The following ADCY2 variants were observed in gnomAD, a reference collection of about 807,000 sequenced individuals.
The protein encoded by ADCY2 is adenylate cyclase 2, also known as adenylate cyclase type 2.
A neutral mutation model predicts 125.2 loss-of-function variants in ADCY2; 31 were observed. The observed-to-expected ratio is 0.25, with a 90% CI of 0.19 to 0.33. The LOEUF is 0.33. ADCY2 is among the 10% of genes least tolerant of loss of function. The pLI is 1.00. For synonymous variants in ADCY2, 512 were observed against 548.4 expected, an observed-to-expected ratio of 0.93 and a Z score of 0.93; for missense variants, 904 against 1,418.2, an observed-to-expected ratio of 0.64 and a Z score of 5.82.
chr5:7,781,983 A>G (rs1411879389), intron 18 of ADCY2, among the ~76,000 whole-genome samples: 1 of 152,230 alleles, frequency 6.6e-6, no homozygotes, highest in African/African-American at 2.4e-5. Context: ...TCTTTTGCTA[A>G]CAGAATGAAA....
At chr5:7,636,555 A>G (rs1269698608) in intron 4 of ADCY2, among the ~76,000 whole-genome samples, 1 of 152,210 alleles carries the variant, frequency 6.6e-6, no homozygotes, top group Non-Finnish European at 1.5e-5. Context: ...GAGAAACTGC[A>G]AGGAGGTAGG....
rs1412492746 is a variant in ADCY2 at position 7,706,867 on chromosome 5, C to T, written c.1233C>T (p.Thr411=). Residue 411 remains threonine (T), a synonymous_variant, in exon 8 of 25, where the codon ACC becomes ACT. Transcript: ENST00000338316. Reference sequence around the variant, plus strand: ...ATGATGTGTGGTCACATGATGTGACCTTGGCCAACCACATGGAAGCTGGAG... The same window carrying T: ...ATGATGTGTGGTCACATGATGTGACTTTGGCCAACCACATGGAAGCTGGAG... The part of the protein sequence containing the change: ...WQYDVWSHDV[T]LANHMEAGGV... 4.3e-6 allele frequency: 7 copies of T among 1,614,074 alleles called. No individual in the cohort carries two copies. Among genetic ancestry groups the T allele is most frequent in the Non-Finnish European group, 5.9e-6 (7 of 1,180,040 alleles).
At chr5:7,732,469 C>G (rs950002811) in intron 14 of ADCY2, among the ~76,000 whole-genome samples, 1 of 152,230 alleles carries the variant, frequency 6.6e-6, no homozygotes, top group African/African-American at 2.4e-5. Flanking sequence ...CCTGGTTTCT[C>G]CTGGGCCGTT....
chr5:7,660,249 AAG>A (rs1373847198), intron 4 of ADCY2, among the ~76,000 whole-genome samples: 40 of 88,050 alleles, frequency 4.5e-4, no homozygotes, highest in Admixed American at 8.9e-4. Flanking sequence ...AGAAGGAAGG[AAG>A]GAAGGAAGGA....
At chr5:7,450,410 G>C (rs1289218220) in intron 2 of ADCY2, among the ~76,000 whole-genome samples, 1 of 152,158 alleles carries the variant, frequency 6.6e-6, no homozygotes, top group Non-Finnish European at 1.5e-5. Context: ...TCCAGAGAAA[G>C]GCCCTAACTC....
intron 14 of ADCY2, among the ~76,000 whole-genome samples, chr5:7,739,973 C>T (rs570858784): frequency 6.6e-6 from 1 of 151,876 alleles, no homozygotes; most frequent in African/African-American, 2.4e-5. Context: ...TTCTACCCAA[C>T]ATTTTAAGAA....
rs777069285 is a variant in ADCY2 at position 7,802,214 on chromosome 5, G to A, written c.2629-4G>A. 1 of 1,613,106 alleles carries A rather than the reference G, an allele frequency of 6.2e-7. No individual in the cohort carries two copies. The highest frequency in any genetic ancestry group is 8.5e-7 in the Non-Finnish European group (1 of 1,179,764). On this transcript the variant is annotated splice_region_variant and splice_polypyrimidine_tract_variant and intron_variant, in intron 20 of 24. Transcript: ENST00000338316. This position sits in a 1 kb window ranked among gnomAD's most constrained non-coding sequence, Gnocchi z 4.6. The stretch of plus-strand genomic sequence containing the variant: ...TGATCAGCTCTTGCTTTTCTCCCAA[G>A]CAGGAGCTATACCACCAGTCCTATG...
chr5:7,486,625 G>T (rs996079766), intron 2 of ADCY2, among the ~76,000 whole-genome samples: 1 of 152,088 alleles, frequency 6.6e-6, no homozygotes, highest in Non-Finnish European at 1.5e-5. Context: ...GGGGTAGGGT[G>T]CCTGAAGTAT....
At chr5:7,772,014 C>A (rs1238272187) in intron 17 of ADCY2, among the ~76,000 whole-genome samples, 1 of 152,178 alleles carries the variant, frequency 6.6e-6, no homozygotes, top group East Asian at 1.9e-4. Context: ...TTCCCTGCAG[C>A]AAGTCCCTCC....
Position 7,396,196 on chromosome 5 carries a change from C to A in ADCY2, c.-101C>A, listed in dbSNP as rs1368971108. 7 of 625,576 alleles carry A rather than the reference C, an allele frequency of 1.1e-5. No homozygotes were observed. Among genetic ancestry groups the A allele is most frequent in the African/African-American group, 1.0e-4 (5 of 49,218 alleles). The allele number at this position is 625,576 out of a possible 1,614,324, so 38.8% of individuals were successfully genotyped here. On this transcript the variant is annotated 5_prime_UTR_variant, in exon 1 of 25. Coordinates refer to ENST00000338316, the MANE Select transcript of ADCY2 (RefSeq NM_020546.3). The surrounding 1 kb of genome is among the most constrained non-coding windows in gnomAD (Gnocchi z 5.7). ...TGCGCGCAGCTCCGGGTGCCGGCAG[C>A]CGGGCCGGCCGAGGCGGCGCGGGGG...
chr5:7,466,439 C>T (rs903859203), intron 2 of ADCY2, among the ~76,000 whole-genome samples: 1 of 152,182 alleles, frequency 6.6e-6, no homozygotes, highest in Admixed American at 6.5e-5. Context: ...GTGATATCAG[C>T]ACCCCTTTTT....
At chr5:7,690,915 C>T in intron 5 of ADCY2, 76 bp downstream of exon 5, 1 of 1,385,846 alleles carries the variant, frequency 7.2e-7, no homozygotes. Context: ...GATCTCACAC[C>T]TCATATCACC....
chr5:7,428,029 A>G (rs1740449717), intron 2 of ADCY2, among the ~76,000 whole-genome samples: 1 of 152,284 alleles, frequency 6.6e-6, no homozygotes, highest in African/African-American at 2.4e-5. Context: ...CCCCTCTAAG[A>G]CTGAGCCCTG....
intron 4 of ADCY2, among the ~76,000 whole-genome samples, chr5:7,647,618 T>C (rs1738944513): frequency 1.3e-5 from 2 of 152,200 alleles, no homozygotes; most frequent in Non-Finnish European, 1.5e-5. Flanking sequence ...TGTTCAATGC[T>C]CGTTGACACA....
At chr5:7,623,985 G>A (rs1012325382) in intron 3 of ADCY2, among the ~76,000 whole-genome samples, 17 of 152,190 alleles carry the variant, frequency 1.1e-4, no homozygotes, top group African/African-American at 4.1e-4. Context: ...ATGGGGGTTA[G>A]CTCTAAGAAT....
At chr5:7,650,632 C>G (rs1739055021) in intron 4 of ADCY2, among the ~76,000 whole-genome samples, 1 of 152,144 alleles carries the variant, frequency 6.6e-6, no homozygotes, top group Non-Finnish European at 1.5e-5. Context: ...GCCCCCCGGA[C>G]AGTGGCTTGC....
intron 3 of ADCY2, among the ~76,000 whole-genome samples, chr5:7,581,358 A>G (rs993314704): frequency 6.6e-6 from 1 of 152,170 alleles, no homozygotes; most frequent in Admixed American, 6.5e-5. Context: ...AATTGGAATG[A>G]ACACATAGAG....
At chr5:7,797,531 G>A (rs1048952079) in intron 20 of ADCY2, 1 of 152,242 alleles carries the variant, frequency 6.6e-6, no homozygotes, top group South Asian at 2.1e-4. Context: ...CAGGGCTTGT[G>A]TTCTTTTCCT....
At position 7,752,107 on chromosome 5, in the gene ADCY2, G is replaced by A. The variant is rs566671617; in HGVS notation, c.1957-5342G>A. Among the ~76,000 whole-genome samples, 17 of 152,258 alleles carry A rather than the reference G, an allele frequency of 1.1e-4. No homozygotes were observed. In the South Asian group the frequency reaches 3.1e-3, roughly 28 times the overall value. On this transcript the variant is annotated intron_variant, in intron 15 of 24. Coordinates refer to ENST00000338316, the MANE Select transcript of ADCY2 (RefSeq NM_020546.3). ...TGGTACCCAGTGGAGCAACAGTGCAGGGATGTGGCTCACCCAGGGCGAAAA... is the reference window on the plus strand; with the variant it reads ...TGGTACCCAGTGGAGCAACAGTGCAAGGATGTGGCTCACCCAGGGCGAAAA...
Sources: allele counts gnomAD v4.1 joint callset (sites outside exome capture counted in the v4.1 genomes callset), GRCh38; gene constraint gnomAD v4.1.1; non-coding constraint Gnocchi (gnomAD v3.1); transcripts MANE v1.5; gene names NCBI Gene and HGNC (gene_info 2026-07-23, HGNC 2026-07-21).